The following ATP7B variants were observed in gnomAD, a reference collection of about 807,000 sequenced individuals.
The protein encoded by ATP7B is ATPase copper transporting beta, also known as copper-transporting ATPase 2.
Under a neutral mutation model 118.9 loss-of-function variants are expected in ATP7B, and 113 were observed. The observed-to-expected ratio is 0.95, with a 90% CI of 0.82 to 1.11. ATP7B has a LOEUF of 1.11. Ranked by LOEUF, ATP7B falls within the 50% of genes most tolerant of loss-of-function variation. The pLI is 0.00. For synonymous variants in ATP7B, 777 were observed against 727.4 expected, an observed-to-expected ratio of 1.07 and a Z score of -1.10; for missense variants, 1,867 against 1,871.4, an observed-to-expected ratio of 1.00 and a Z score of 0.04.
intron 1 of ATP7B, among the ~76,000 whole-genome samples, chr13:52,006,974 A>G (rs1235949259): frequency 6.6e-6 from 1 of 151,918 alleles, no homozygotes; most frequent in Non-Finnish European, 1.5e-5. Flanking sequence ...CTCTTCATCT[A>G]TGCATCCCCC....
chr13:51,992,970 ACT>A (rs1431313744), intron 1 of ATP7B, among the ~76,000 whole-genome samples: 1 of 109,570 alleles, frequency 9.1e-6, no homozygotes, highest in African/African-American at 3.2e-5. Flanking sequence ...ACAGAGCAAG[ACT>A]CTGTCTCAAA....
intron 9 of ATP7B, among the ~76,000 whole-genome samples, chr13:51,950,981 C>A (rs982622991): frequency 6.6e-6 from 1 of 152,096 alleles, no homozygotes; most frequent in Non-Finnish European, 1.5e-5. Context: ...GAGTCCAGAT[C>A]ATGCCGAGTC....
chr13:51,985,343 G>A (rs1952605226), intron 1 of ATP7B, among the ~76,000 whole-genome samples: 1 of 152,162 alleles, frequency 6.6e-6, no homozygotes. Context: ...ATGGTAAAGG[G>A]ATCAATGCAA....
Position 51,974,355 on chromosome 13 carries a change from G to A in ATP7B, c.865C>T (p.Gln289Ter), listed in dbSNP as rs121907999. Residue 289 changes from glutamine to a stop codon, truncating the protein, a stop_gained, in exon 2 of 21, where the codon CAA (glutamine) becomes TAA (stop). Transcript: ENST00000242839. LOFTEE classifies it high-confidence loss of function. ...GCAGTTTTGTTCTCCAAGGACACTT[G>A]AATACTTTGAACCCCTAGGAGCTGG... Reference protein sequence around the residue: ...IGQLLGVQSIQVSLENKTAQV... With the variant: ...IGQLLGVQSI The A allele has an allele frequency of 1.9e-5, 30 of 1,613,996 alleles. No individual in the cohort carries two copies. The highest frequency in any genetic ancestry group is 5.5e-5 in the South Asian group (5 of 91,070).
Position 51,975,084 on chromosome 13 carries a change from C to T in ATP7B, c.136G>A (p.Gly46Ser). Residue 46 changes from glycine to serine, a missense_variant, in exon 2 of 21, where the codon GGT (glycine) becomes AGT (serine). Coordinates refer to ENST00000242839, the MANE Select transcript of ATP7B (RefSeq NM_000053.4). The stretch of plus-strand genomic sequence containing the variant: ...GAAGGGCCCAGGCCATCCAGACCAC[C>T]TTCATAGCCAACATTGTCAAAAGCA... ...SFAFDNVGYE[G>S]GLDGLGPSSQ... 6.2e-7 allele frequency: 1 copy of T among 1,614,246 alleles called. No individual in the cohort carries two copies. Among genetic ancestry groups the T allele is most frequent in the Middle Eastern group, 1.6e-4 (1 of 6,062 alleles).
rs781757171 is a variant in ATP7B, at chr13:52,011,272, G to A, written c.51+15C>T. The A allele has an allele frequency of 8.7e-6, 14 of 1,614,078 alleles. No homozygotes were observed. The South Asian group carries it at 1.3e-4, about 15-fold the overall frequency. ...GAGTGAGCACGCTGCGCGGACGCGG[G>A]GGAACAAAACTCACTTTCCGACTGG... is the stretch of plus-strand genomic sequence containing the variant. On this transcript the variant is annotated intron_variant, in intron 1 of 20. Transcript: ENST00000242839.
intron 1 of ATP7B, among the ~76,000 whole-genome samples, chr13:51,983,941 C>G (rs1405311237): frequency 6.6e-6 from 1 of 152,042 alleles, no homozygotes; most frequent in Non-Finnish European, 1.5e-5. Flanking sequence ...TAGATAAATC[C>G]ATGAAGATGG....
chr13:51,942,280 G>T, intron 15 of ATP7B, 106 bp downstream of exon 15: 1 of 1,558,658 alleles, frequency 6.4e-7, no homozygotes, highest in Non-Finnish European at 8.8e-7. Context: ...CCTTAGCCAT[G>T]AACCGTCTGC....
chr13:51,948,618 T>C (rs962458594), intron 12 of ATP7B, among the ~76,000 whole-genome samples: 4 of 152,234 alleles, frequency 2.6e-5, no homozygotes, highest in Non-Finnish European at 4.4e-5. Flanking sequence ...GGGCCTGTGA[T>C]GTGCCTTGCA....
At chr13:51,966,938 C>T in intron 4 of ATP7B, 2 of 1,613,310 alleles carry the variant, frequency 1.2e-6, no homozygotes, top group Admixed American at 3.3e-5. Context: ...ACACAGTTTT[C>T]TTGTACCCTG....
upstream of ATP7B, among the ~76,000 whole-genome samples, chr13:52,011,723 C>T (rs1489894240): frequency 6.6e-6 from 1 of 152,264 alleles, no homozygotes; most frequent in Non-Finnish European, 1.5e-5. Context: ...ATGTCCTCTG[C>T]CGTGCCGGCG....
rs758741518 is a variant in ATP7B at position 51,958,507 on chromosome 13, T to C, written c.2159A>G (p.Lys720Arg). The change falls in exon 8 of 21, where the codon AAA (lysine) becomes AGA (arginine). Residue 720 changes from lysine (K) to arginine (R), a missense_variant. Lys to Arg is a conservative substitution (Grantham distance 26, BLOSUM62 2). Coordinates refer to ENST00000242839, the MANE Select transcript of ATP7B (RefSeq NM_000053.4). ...GTTGGCTGACCTGTGTCTCAGAGAT[T>C]TGTAGGCCTGAACGTAGAAGTACCA... ...GGWYFYVQAYKSLRHRSANMD... is the reference protein window; with the variant it reads ...GGWYFYVQAYRSLRHRSANMD... The C allele has an allele frequency of 3.1e-6, 5 of 1,614,082 alleles. No individual in the cohort carries two copies. The highest frequency in any genetic ancestry group is 1.1e-5 in the South Asian group (1 of 91,060).
chr13:51,960,927 T>G (rs1958694797), intron 6 of ATP7B, among the ~76,000 whole-genome samples: 1 of 151,938 alleles, frequency 6.6e-6, no homozygotes, highest in Non-Finnish European at 1.5e-5. Context: ...CAAATGCACC[T>G]AAAACATGAC....
chr13:51,938,435 C>T (rs1045233717), intron 17 of ATP7B, among the ~76,000 whole-genome samples: 20 of 152,182 alleles, frequency 1.3e-4, no homozygotes, highest in South Asian at 2.1e-4. Flanking sequence ...GGGGGAAGGA[C>T]GCTAAACAGG....
At chr13:51,986,464 ACAGT>A (rs2036440083) in intron 1 of ATP7B, among the ~76,000 whole-genome samples, 1 of 152,226 alleles carries the variant, frequency 6.6e-6, no homozygotes. Flanking sequence ...AGGTGGATAC[ACAGT>A]CAAATTCTAC....
intron 1 of ATP7B, among the ~76,000 whole-genome samples, chr13:51,994,785 T>C (rs1309748990): frequency 6.6e-6 from 1 of 152,198 alleles, no homozygotes; most frequent in Non-Finnish European, 1.5e-5. Context: ...AGTTGTTTTT[T>C]ATTTTCGTCT....
At chr13:52,009,947 T>C (rs1357749650) in intron 1 of ATP7B, among the ~76,000 whole-genome samples, 1 of 152,150 alleles carries the variant, frequency 6.6e-6, no homozygotes, top group African/African-American at 2.4e-5. Flanking sequence ...CCTAACACAA[T>C]GCCCAGCACA....
chr13:51,970,824 CTCTTGGTGAGGGTTCATTG>C (rs1951804552), intron 2 of ATP7B, 75 bp from the exon 3 acceptor site: 2 of 1,527,112 alleles, frequency 1.3e-6, no homozygotes, highest in African/African-American at 2.8e-5. Flanking sequence ...GGTTTCAGGG[CTCTTGGTGAGGGTTCATTG>C]TCCCGGCTCC....
chr13:51,934,964 G>A lies in ATP7B; in HGVS notation c.4190C>T (p.Ala1397Val). The A allele has an allele frequency of 6.2e-7, 1 of 1,614,056 alleles. No individual in the cohort carries two copies. The highest frequency in any genetic ancestry group is 2.2e-5 in the East Asian group (1 of 44,874). The change falls in exon 21 of 21, where the codon GCA (alanine) becomes GTA (valine). Residue 1397 changes from alanine to valine, a missense_variant. Transcript: ENST00000242839. Reference sequence around the variant, plus strand: ...GCCTATGTGCACACTGACCTGGGATGCCGTCAGGGGCTTCATGTGGCCATG... The same window carrying A: ...GCCTATGTGCACACTGACCTGGGATACCGTCAGGGGCTTCATGTGGCCATG... The part of the protein sequence containing the change: ...QAHGHMKPLT[A>V]SQVSVHIGMD...
Sources: gnomAD v4.1 joint callset for allele counts (sites outside exome capture counted in the v4.1 genomes callset) on GRCh38, gnomAD v4.1.1 for gene constraint, MANE v1.5 for transcripts, NCBI Gene and HGNC (gene_info 2026-07-23, HGNC 2026-07-21) for gene names.